POU2F1: variants seen among roughly 807,000 people sequenced by gnomAD.
The protein encoded by POU2F1 is POU domain, class 2, transcription factor 1.
A neutral mutation model predicts 84.9 loss-of-function variants in POU2F1; 16 were observed. That is an observed-to-expected ratio of 0.19 (90% confidence interval 0.13 to 0.29). The LOEUF (loss-of-function observed/expected upper bound fraction) is 0.29, where lower values mean the gene tolerates loss of function less well. Ranked by LOEUF, POU2F1 falls within the 10% of genes least tolerant of loss-of-function variation. The pLI is 1.00. For synonymous variants in POU2F1, 368 were observed against 368.3 expected, an observed-to-expected ratio of 1.00 and a Z score of 0.01; for missense variants, 738 against 942.6, an observed-to-expected ratio of 0.78 and a Z score of 2.84.
Position 167,420,932 on chromosome 1 carries a change from A to G in POU2F1, c.*5122A>G, listed in dbSNP as rs983754676. On this transcript the variant is annotated 3_prime_UTR_variant, in exon 16 of 16. Transcript: ENST00000367866. ...AAGTTTGTTTATTAGAGTTGAAAACATTAAAAGATGACTGATACTAATGGG... is the reference window on the plus strand; with the variant it reads ...AAGTTTGTTTATTAGAGTTGAAAACGTTAAAAGATGACTGATACTAATGGG... 4.6e-5 allele frequency: 7 copies of G among 152,262 alleles called. No homozygotes were observed. The highest frequency in any genetic ancestry group is 1.7e-4 in the African/African-American group (7 of 41,462). 9.4% of individuals were successfully genotyped at this position (152,262 alleles called of 1,614,324 possible).
intron 1 of POU2F1, among the ~76,000 whole-genome samples, chr1:167,299,713 T>TTTTTTTTTC (rs1654536202): frequency 1.3e-5 from 2 of 152,052 alleles, no homozygotes; most frequent in African/African-American, 4.8e-5. Flanking sequence ...TTTTTCATTT[T>TTTTTTTTTC]ATTTTGCTGC....
intron 2 of POU2F1, among the ~76,000 whole-genome samples, chr1:167,364,305 C>T (rs1024204366): frequency 1.1e-4 from 16 of 151,780 alleles, no homozygotes; most frequent in Admixed American, 7.2e-4. Flanking sequence ...CCGAGGCGGG[C>T]GGATCACGAG....
intron 1 of POU2F1, among the ~76,000 whole-genome samples, chr1:167,237,048 G>A (rs1241437849): frequency 6.6e-6 from 1 of 152,108 alleles, no homozygotes; most frequent in Non-Finnish European, 1.5e-5. Context: ...GGAGTTCTCT[G>A]GGACTTGGGG....
chr1:167,278,114 C>T (rs2102489823), intron 1 of POU2F1, among the ~76,000 whole-genome samples: 1 of 152,250 alleles, frequency 6.6e-6, no homozygotes, highest in African/African-American at 2.4e-5. Context: ...TACTTCTCCA[C>T]CTCCCCTCTT....
chr1:167,397,949 C>G, intron 10 of POU2F1, 45 bp from the exon 11 acceptor site: 1 of 1,555,936 alleles, frequency 6.4e-7, no homozygotes, highest in African/African-American at 1.4e-5. Context: ...ACATGAATCA[C>G]TGTGCTCAGC....
At chr1:167,370,336 A>T in intron 4 of POU2F1, 122 bp downstream of exon 4, 2 of 721,784 alleles carry the variant, frequency 2.8e-6, no homozygotes, top group East Asian at 6.2e-5. Context: ...AAATTAGTGA[A>T]TCTCGTGAAG....
chr1:167,415,460 G>A, intron 15 of POU2F1, 40 bp from the exon 16 acceptor site: 1 of 1,589,250 alleles, frequency 6.3e-7, no homozygotes, highest in African/African-American at 1.3e-5. Flanking sequence ...TGATGTTAAT[G>A]TTTTCATTCC....
chr1:167,259,016 G>T (rs1248063001), intron 1 of POU2F1, among the ~76,000 whole-genome samples: 1 of 152,212 alleles, frequency 6.6e-6, no homozygotes, highest in Non-Finnish European at 1.5e-5. Context: ...TCATGTGACT[G>T]TTGGGTCAGC....
chr1:167,281,221 C>T (rs912021464), intron 1 of POU2F1, among the ~76,000 whole-genome samples: 3 of 152,126 alleles, frequency 2.0e-5, no homozygotes, highest in South Asian at 4.1e-4. Context: ...ATATTTAAAG[C>T]GTCTTATTCT....
At chr1:167,226,416 G>C (rs186959765) in intron 1 of POU2F1, among the ~76,000 whole-genome samples, 146 of 152,292 alleles carry the variant, frequency 9.6e-4, no homozygotes, top group African/African-American at 3.5e-3. Context: ...GGACATTTTT[G>C]TGCATTATTG....
intron 2 of POU2F1, among the ~76,000 whole-genome samples, chr1:167,364,800 C>T (rs1659576516): frequency 6.6e-6 from 1 of 151,908 alleles, no homozygotes. Flanking sequence ...AACTCATGAG[C>T]TCAAGCCATC....
chr1:167,247,065 T>A (rs1032177605), intron 1 of POU2F1, among the ~76,000 whole-genome samples: 6 of 148,998 alleles, frequency 4.0e-5, no homozygotes, highest in Admixed American at 1.3e-4. Flanking sequence ...TGTGTGTGTG[T>A]GTGATTGAAT....
In POU2F1 at chr1:167,376,082, T is replaced by G. The variant is rs1424487947; in HGVS notation, c.645T>G (p.Phe215Leu). The change falls in exon 7 of 16, where the codon TTT (phenylalanine) becomes TTG (leucine). Residue 215 changes from phenylalanine (F) to leucine (L), a missense_variant. This residue lies in a region of POU2F1 where 163 missense variants were observed against 214.4 expected (regional missense o/e 0.76). Transcript: ENST00000367866. ...LQQQNLNLQQ[F>L]VLVHPTTNLQ... is the part of the protein sequence containing the mutation. ...AGCAGAATCTCAACCTGCAACAGTT[T>G]GTGTTGGTGCATCCAACCACCAATT... 1.2e-6 allele frequency: 2 copies of G among 1,614,076 alleles called. No individual in the cohort carries two copies. The highest frequency in any genetic ancestry group is 1.7e-6 in the Non-Finnish European group (2 of 1,180,012).
chr1:167,411,844 C>A, intron 13 of POU2F1, 115 bp from the exon 14 acceptor site: 1 of 966,358 alleles, frequency 1.0e-6, no homozygotes, highest in Non-Finnish European at 1.5e-6. Context: ...TAAAGGACAG[C>A]TTTACTAGGT....
At position 167,415,690 on chromosome 1, in the gene POU2F1, A is replaced by G; in HGVS notation, c.2181A>G (p.Ala727=). The change falls in exon 16 of 16, where the codon GCA becomes GCG. Residue 727 remains alanine (A), a synonymous_variant. Coordinates refer to ENST00000367866, the MANE Select transcript of POU2F1 (RefSeq NM_002697.4). ...SAAAASAGNS[A]PVASLHATST... ...CCGCAGCATCTGCAGGGAACTCTGCACCTGTAGCCAGCCTTCACGCCACCT... is the reference window on the plus strand; with the variant it reads ...CCGCAGCATCTGCAGGGAACTCTGCGCCTGTAGCCAGCCTTCACGCCACCT... 2 of 1,614,106 alleles carry G rather than the reference A, an allele frequency of 1.2e-6. No homozygotes were observed. Among genetic ancestry groups the G allele is most frequent in the Non-Finnish European group, 1.7e-6 (2 of 1,180,020 alleles).
At chr1:167,281,329 C>G (rs905444018) in intron 1 of POU2F1, among the ~76,000 whole-genome samples, 1 of 152,196 alleles carries the variant, frequency 6.6e-6, no homozygotes, top group Non-Finnish European at 1.5e-5. Context: ...TGCCTGACAT[C>G]TGAGAATCAT....
At chr1:167,274,008 A>G (rs1282843777) in intron 1 of POU2F1, among the ~76,000 whole-genome samples, 1 of 152,232 alleles carries the variant, frequency 6.6e-6, no homozygotes, top group Non-Finnish European at 1.5e-5. Context: ...TAGTAATTGT[A>G]GAGCAAACTC....
At chr1:167,327,600 C>G (rs1382276604) in intron 1 of POU2F1, among the ~76,000 whole-genome samples, 1 of 152,176 alleles carries the variant, frequency 6.6e-6, no homozygotes, top group Non-Finnish European at 1.5e-5. Context: ...TTTCAGAACT[C>G]TCCTCAAATC....
At chr1:167,360,533 C>A (rs1557925593) in intron 2 of POU2F1, among the ~76,000 whole-genome samples, 1 of 152,054 alleles carries the variant, frequency 6.6e-6, no homozygotes. Context: ...GAGGTCTCTA[C>A]TCTGTTATAT....
Sources: gnomAD v4.1 joint callset for allele counts (sites outside exome capture counted in the v4.1 genomes callset) on GRCh38, gnomAD v4.1.1 for gene constraint, gnomAD v4.1.1 regional missense constraint, MANE v1.5 for transcripts, NCBI Gene and HGNC (gene_info 2026-07-23, HGNC 2026-07-21) for gene names.